The following CDHR3 variants were observed in gnomAD, a reference collection of about 807,000 sequenced individuals.
CDHR3 encodes the protein cadherin related family member 3.
A neutral mutation model predicts 86.6 loss-of-function variants in CDHR3; 79 were observed. The ratio of observed to expected loss-of-function variants is 0.91; its 90% CI spans 0.76 to 1.10. The LOEUF is 1.10. Ranked by LOEUF, CDHR3 falls within the 50% of genes least tolerant of loss-of-function variation. The pLI is 0.00. For missense variants in CDHR3, 1,081 were observed against 1,077.6 expected (o/e 1.00, Z -0.04); for synonymous variants, 421 against 402.4 (o/e 1.05, Z -0.55).
chr7:106,015,287 AG>A, intron 10 of CDHR3, 74 bp downstream of exon 10: 3 of 1,308,270 alleles, frequency 2.3e-6, no homozygotes, highest in Non-Finnish European at 3.2e-6. Flanking sequence ...GGGCAATACT[AG>A]GTATTGTGCT....
chr7:106,033,093 T>C lies in CDHR3; in HGVS notation c.*396T>C, dbSNP rs1838619248. The C allele has an allele frequency of 5.7e-6, 1 of 174,104 alleles. No individual in the cohort carries two copies. The highest frequency in any genetic ancestry group is 2.4e-5 in the African/African-American group (1 of 42,156). The allele number at this position is 174,104 out of a possible 1,614,324, so 10.8% of individuals were successfully genotyped here. On this transcript the variant is annotated 3_prime_UTR_variant, in exon 19 of 19. Transcript: ENST00000317716. ...CCTTACATCTGGTTTCCACCTTATTTTCCTGCCCTCGTTTTAACATCACCC... is the reference window on the plus strand; with the variant it reads ...CCTTACATCTGGTTTCCACCTTATTCTCCTGCCCTCGTTTTAACATCACCC...
At chr7:105,989,833 C>G (rs987667728) in intron 4 of CDHR3, among the ~76,000 whole-genome samples, 1 of 152,160 alleles carries the variant, frequency 6.6e-6, no homozygotes, top group Non-Finnish European at 1.5e-5. Context: ...TGGCTTCCTA[C>G]CCCTTGCTTT....
intron 9 of CDHR3, among the ~76,000 whole-genome samples, chr7:106,014,785 A>G (rs1332148266): frequency 6.6e-6 from 1 of 152,370 alleles, no homozygotes; most frequent in Non-Finnish European, 1.5e-5. Context: ...GGACTACTAT[A>G]ATGAAACAGC....
intron 5 of CDHR3, among the ~76,000 whole-genome samples, 161 bp from the exon 6 acceptor site, chr7:105,996,089 G>T (rs1832153133): frequency 6.6e-6 from 1 of 152,122 alleles, no homozygotes; most frequent in Non-Finnish European, 1.5e-5. Context: ...GGGGAGAAAG[G>T]TCACCCTGCA....
chr7:105,977,311 G>A (rs561037244), intron 2 of CDHR3, among the ~76,000 whole-genome samples: 5 of 152,198 alleles, frequency 3.3e-5, no homozygotes, highest in South Asian at 4.2e-4. Context: ...TATGTCTATC[G>A]CTGTTTGTGT....
chr7:106,015,167 T>C lies in CDHR3; in HGVS notation c.1281T>C (p.Tyr427=). The C allele has an allele frequency of 4.3e-6, 7 of 1,611,840 alleles. No homozygotes were observed. Among genetic ancestry groups the C allele is most frequent in the Non-Finnish European group, 5.9e-6 (7 of 1,179,106 alleles). The change falls in exon 10 of 19, where the codon TAT becomes TAC. Residue 427 remains tyrosine (Y), a synonymous_variant. Transcript: ENST00000317716. The stretch of plus-strand genomic sequence containing the variant: ...GTAACCTAGCAGCCGGCAATAAATA[T>C]ACGGTGATAATCCAGGTGCAGGATG... ...NPSNLAAGNK[Y]TVIIQVQDVA... is the part of the protein sequence containing the mutation.
At position 105,974,988 on chromosome 7, in the gene CDHR3, A is replaced by G; in HGVS notation, c.191A>G (p.Asn64Ser). Residue 64 changes from asparagine (N) to serine (S), a missense_variant, in exon 2 of 19, where the codon AAC (asparagine) becomes AGC (serine). Asn to Ser is a conservative substitution (Grantham distance 46). Transcript: ENST00000317716. Reference protein sequence around the residue: ...PVIPGFPQIVNSNPLTEAFRV... With the variant: ...PVIPGFPQIVSSNPLTEAFRV... Reference sequence around the variant, plus strand: ...ATCCCAGGATTTCCCCAGATAGTCAACTCAAATCCCCTCACTGAAGCTTTT... The same window carrying G: ...ATCCCAGGATTTCCCCAGATAGTCAGCTCAAATCCCCTCACTGAAGCTTTT... The G allele has an allele frequency of 6.2e-7, 1 of 1,613,902 alleles. No individual in the cohort carries two copies.
intron 7 of CDHR3, among the ~76,000 whole-genome samples, chr7:106,004,021 A>C (rs1833600196): frequency 6.6e-6 from 1 of 151,984 alleles, no homozygotes; most frequent in Non-Finnish European, 1.5e-5. Flanking sequence ...AGAAAGAAAA[A>C]AAAGGCAGGC....
intron 1 of CDHR3, among the ~76,000 whole-genome samples, chr7:105,969,802 C>G (rs1827657432): frequency 1.3e-5 from 2 of 152,122 alleles, no homozygotes; most frequent in Admixed American, 1.3e-4. Context: ...ATGCTGTATC[C>G]GTTTTCTGTA....
intron 4 of CDHR3, among the ~76,000 whole-genome samples, chr7:105,994,129 C>T (rs1831816566): frequency 6.6e-6 from 1 of 152,184 alleles, no homozygotes; most frequent in Non-Finnish European, 1.5e-5. Context: ...ATAACTGATG[C>T]TCATGCATTT....
intron 5 of CDHR3, 132 bp from the exon 6 acceptor site, chr7:105,996,118 G>T: frequency 1.7e-6 from 1 of 587,244 alleles, no homozygotes; most frequent in Non-Finnish European, 3.1e-6. Context: ...GACTGTGGGG[G>T]CATTACGGAG....
chr7:105,980,624 T>TTTTTTTTTTTTAA (rs1829577964), intron 2 of CDHR3, among the ~76,000 whole-genome samples: 1 of 12,136 alleles, frequency 8.2e-5, no homozygotes, highest in Non-Finnish European at 2.0e-4. Context: ...TTTTTTTTAA[T>TTTTTTTTTTTTAA]TTTTTTTTTT....
intron 15 of CDHR3, 23 bp downstream of exon 15, chr7:106,024,585 C>T (rs375568148): frequency 2.5e-6 from 4 of 1,610,418 alleles, no homozygotes; most frequent in Non-Finnish European, 3.4e-6. Flanking sequence ...TGGGCTGGGC[C>T]CTCTTCCCCA....
chr7:105,973,659 C>T (rs1394177743), intron 1 of CDHR3, among the ~76,000 whole-genome samples: 3 of 152,174 alleles, frequency 2.0e-5, no homozygotes, highest in African/African-American at 7.2e-5. Flanking sequence ...CCCATGAAGA[C>T]TCTATTTCCA....
chr7:106,001,423 C>A, intron 6 of CDHR3, 39 bp from the exon 7 acceptor site: 1 of 1,609,110 alleles, frequency 6.2e-7, no homozygotes, highest in East Asian at 2.2e-5. Context: ...CTTCCCGTGC[C>A]CCTGGAAATT....
chr7:105,995,792 C>T (rs935906338), intron 5 of CDHR3, among the ~76,000 whole-genome samples: 7 of 152,026 alleles, frequency 4.6e-5, no homozygotes, highest in African/African-American at 1.5e-4. Flanking sequence ...GGAAAGGCAG[C>T]CATCCAAGCA....
At chr7:105,986,442 G>C (rs146648300) in intron 4 of CDHR3, among the ~76,000 whole-genome samples, 2 of 152,176 alleles carry the variant, frequency 1.3e-5, no homozygotes, top group African/African-American at 4.8e-5. Flanking sequence ...AGGGGAGAAG[G>C]AACAGCTTTT....
chr7:106,000,886 C>T, intron 6 of CDHR3, among the ~76,000 whole-genome samples: 1 of 122,486 alleles, frequency 8.2e-6, no homozygotes, highest in East Asian at 2.5e-4. Flanking sequence ...TGCATAAATT[C>T]TATATCCTCA....
chr7:105,964,051 TA>T lies in CDHR3; in HGVS notation c.46+688del, dbSNP rs1230891353. 2.0e-5 allele frequency among the ~76,000 whole-genome samples: 3 copies of T among 152,318 alleles called. No homozygotes were observed. In the East Asian group the frequency reaches 5.8e-4, roughly 29 times the overall value. ...TAATTTACATCTTTGACAAGTTATG[TA>T]GTAAAATACTTAGAAGAGTGTCTGA... On this transcript the variant is annotated intron_variant, in intron 1 of 18. Coordinates refer to ENST00000317716, the MANE Select transcript of CDHR3 (RefSeq NM_152750.5).
Sources: allele counts gnomAD v4.1 joint callset (sites outside exome capture counted in the v4.1 genomes callset), GRCh38; gene constraint gnomAD v4.1.1; transcripts MANE v1.5; gene names NCBI Gene and HGNC (gene_info 2026-07-23, HGNC 2026-07-21).